NLGN4X: variants seen among roughly 807,000 people sequenced by gnomAD.
NLGN4X encodes neuroligin 4 X-linked.
In NLGN4X, 3 loss-of-function variants were observed where a neutral mutation model predicts 40.3. The observed-to-expected ratio is 0.07, with a 90% CI of 0.03 to 0.19. The LOEUF (loss-of-function observed/expected upper bound fraction) is 0.19. Among genes scored for constraint, NLGN4X ranks in the 10% least tolerant of loss-of-function variants. NLGN4X has a pLI of 1.00. For synonymous variants in NLGN4X, 270 were observed against 306.8 expected, an observed-to-expected ratio of 0.88 and a Z score of 1.25; for missense variants, 382 against 708.3, an observed-to-expected ratio of 0.54 and a Z score of 5.23.
In NLGN4X at chrX:6,163,505, T is replaced by C. The variant is rs759407671; in HGVS notation, c.-305-11734A>G. On this transcript the variant is annotated intron_variant, in intron 1 of 5. Coordinates refer to ENST00000381095, the MANE Select transcript of NLGN4X (RefSeq NM_181332.3). The stretch of plus-strand genomic sequence containing the variant: ...TTCAACTGTTACCATGAAGCCAGCC[T>C]GTGCTCCATTGCTTTTCAATTGCTA... 5.3e-5 allele frequency among the ~76,000 whole-genome samples: 6 copies of C among 112,214 alleles called. No homozygotes were observed. In the East Asian group the frequency reaches 1.7e-3, roughly 32 times the overall value.
chrX:6,133,153 C>G (rs1041138126), intron 2 of NLGN4X, among the ~76,000 whole-genome samples: 3 of 82,089 alleles, frequency 3.7e-5, no homozygotes, highest in Non-Finnish European at 5.1e-5. Context: ...CGATAACCAC[C>G]ATCATCATTA....
chrX:6,073,690 T>C (rs2038124050), intron 2 of NLGN4X, among the ~76,000 whole-genome samples: 1 of 110,922 alleles, frequency 9.0e-6, no homozygotes, highest in Non-Finnish European at 1.9e-5. Context: ...TATAAGATAC[T>C]GCATTGGAAA....
chrX:5,920,101 A>T (rs1441435198), intron 3 of NLGN4X, among the ~76,000 whole-genome samples: 1 of 111,894 alleles, frequency 8.9e-6, no homozygotes, highest in African/African-American at 3.3e-5. Flanking sequence ...GGTGGAAATG[A>T]AAGGAAATGA....
chrX:5,998,273 G>A (rs2035885508), intron 3 of NLGN4X, among the ~76,000 whole-genome samples: 1 of 109,463 alleles, frequency 9.1e-6, no homozygotes, highest in African/African-American at 3.3e-5. Flanking sequence ...AGCTGGGTGT[G>A]GTGGCAGGCT....
intron 2 of NLGN4X, among the ~76,000 whole-genome samples, chrX:6,116,011 A>G (rs2039270185): frequency 9.1e-6 from 1 of 110,320 alleles, no homozygotes; most frequent in South Asian, 3.8e-4. Flanking sequence ...GAACTGAATG[A>G]GGCTGGGCGC....
chrX:6,060,793 C>A (rs1391086095), intron 2 of NLGN4X, among the ~76,000 whole-genome samples: 1 of 111,894 alleles, frequency 8.9e-6, no homozygotes, highest in Non-Finnish European at 1.9e-5. Context: ...ATGATAGGAA[C>A]CCAATATAAG....
intron 3 of NLGN4X, among the ~76,000 whole-genome samples, chrX:6,028,873 C>A (rs1044149007): frequency 9.0e-6 from 1 of 111,589 alleles, no homozygotes; most frequent in Admixed American, 9.5e-5. Flanking sequence ...TGGATAAAAT[C>A]TTTTCCTCCA....
chrX:6,212,533 A>G (rs16983983), intron 1 of NLGN4X, among the ~76,000 whole-genome samples: 1,585 of 111,586 alleles, frequency 0.014, 28 homozygotes, highest in African/African-American at 0.049. Context: ...TGTTCCTTCA[A>G]CTTTATACCT....
At chrX:5,967,884 C>T (rs2034881272) in intron 3 of NLGN4X, among the ~76,000 whole-genome samples, 1 of 111,271 alleles carries the variant, frequency 9.0e-6, no homozygotes, top group Non-Finnish European at 1.9e-5. Context: ...AGTCCCTCCC[C>T]CATCATGGAC....
At chrX:6,203,423 A>G (rs148905446) in intron 1 of NLGN4X, among the ~76,000 whole-genome samples, 16 of 112,524 alleles carry the variant, frequency 1.4e-4, no homozygotes, top group Non-Finnish European at 2.4e-4. Flanking sequence ...ATCCTCATCC[A>G]CATGGTGCCA....
At chrX:5,955,751 A>T (rs1328421231) in intron 3 of NLGN4X, among the ~76,000 whole-genome samples, 2 of 109,126 alleles carry the variant, frequency 1.8e-5, no homozygotes, top group African/African-American at 6.7e-5. Flanking sequence ...AAAAACCAGT[A>T]TTAAAAATTT....
At chrX:6,007,195 A>G (rs1189200629) in intron 3 of NLGN4X, among the ~76,000 whole-genome samples, 3 of 111,988 alleles carry the variant, frequency 2.7e-5, no homozygotes, top group Non-Finnish European at 3.8e-5. Context: ...GGAGGCCATT[A>G]TCCTAAGTGA....
In NLGN4X at chrX:6,053,236, C is replaced by A. The variant is rs28503790; in HGVS notation, c.473-23804G>T. Among the ~76,000 whole-genome samples, 901 of 112,242 alleles carry A rather than the reference C, an allele frequency of 8.0e-3. 8 individuals are homozygous for A. Among genetic ancestry groups the A allele is most frequent in the African/African-American group, 0.028 (872 of 30,953 alleles). On this transcript the variant is annotated intron_variant, in intron 2 of 5. Transcript: ENST00000381095. ...ATGGGATGCTTCAGTGAAGATGCAACAATTATCTGCATCCTCAAATGGCGT... is the reference window on the plus strand; with the variant it reads ...ATGGGATGCTTCAGTGAAGATGCAAAAATTATCTGCATCCTCAAATGGCGT...
intron 3 of NLGN4X, among the ~76,000 whole-genome samples, chrX:5,955,815 TA>T (rs10672564): frequency 2.3e-4 from 21 of 90,192 alleles, no homozygotes; most frequent in Non-Finnish European, 3.4e-4. Flanking sequence ...ACAACCACAC[TA>T]AAAAAAAAAA....
At position 6,074,708 on chromosome X, in the gene NLGN4X, T is replaced by G. The variant is rs776580313; in HGVS notation, c.473-45276A>C. On this transcript the variant is annotated intron_variant, in intron 2 of 5. Coordinates refer to ENST00000381095, the MANE Select transcript of NLGN4X (RefSeq NM_181332.3). ...GTCATAGAGAGGAAGGTAATGGCCT[T>G]TAAGTATGCAGAAGAAAGCAATGAA... 7.2e-5 allele frequency among the ~76,000 whole-genome samples: 8 copies of G among 111,545 alleles called. No homozygotes were observed. In the South Asian group the frequency reaches 1.5e-3, roughly 21 times the overall value.
chrX:6,210,002 C>G (rs1924423060), intron 1 of NLGN4X, among the ~76,000 whole-genome samples: 1 of 111,568 alleles, frequency 9.0e-6, no homozygotes, highest in Admixed American at 9.5e-5. Context: ...AGGAGCGAGC[C>G]ATCACATCTG....
chrX:5,994,449 G>A (rs1231519698), intron 3 of NLGN4X, among the ~76,000 whole-genome samples: 1 of 111,592 alleles, frequency 9.0e-6, no homozygotes, highest in Non-Finnish European at 1.9e-5. Context: ...CTCTTCTTAT[G>A]TTATTTTTAA....
chrX:6,011,919 G>GA (rs1316897639), intron 3 of NLGN4X, among the ~76,000 whole-genome samples: 5 of 106,390 alleles, frequency 4.7e-5, no homozygotes, highest in African/African-American at 6.8e-5. Context: ...AGTTGAGTTT[G>GA]AAAAAAAAAA....
At chrX:6,196,742 G>C (rs1222568542) in intron 1 of NLGN4X, among the ~76,000 whole-genome samples, 1 of 109,635 alleles carries the variant, frequency 9.1e-6, no homozygotes, top group Non-Finnish European at 1.9e-5. Context: ...CTCCTTTTAT[G>C]GGGTCCCTGG....
Sources: allele counts gnomAD v4.1 joint callset (sites outside exome capture counted in the v4.1 genomes callset), GRCh38; gene constraint gnomAD v4.1.1; transcripts MANE v1.5; gene names NCBI Gene and HGNC (gene_info 2026-07-23, HGNC 2026-07-21).